Variants in FCHSD2 observed in about 807,000 individuals in gnomAD.
The protein encoded by FCHSD2 is F-BAR and double SH3 domains protein 2.
FCHSD2 carries 38 observed loss-of-function variants against 108.1 expected under a neutral mutation model. The ratio of observed to expected loss-of-function variants is 0.35; its 90% CI spans 0.27 to 0.46. FCHSD2 has a LOEUF of 0.46. FCHSD2 is among the 20% of genes least tolerant of loss of function. The pLI is 1.00. For synonymous variants in FCHSD2, 279 were observed against 314.7 expected, an observed-to-expected ratio of 0.89 and a Z score of 1.20; for missense variants, 751 against 897.8, an observed-to-expected ratio of 0.84 and a Z score of 2.09.
At chr11:73,051,116 G>A (rs1039773864) in intron 3 of FCHSD2, among the ~76,000 whole-genome samples, 1 of 152,182 alleles carries the variant, frequency 6.6e-6, no homozygotes, top group Non-Finnish European at 1.5e-5. Flanking sequence ...AAGAGTTCAA[G>A]ACTAGTCTGG....
chr11:72,997,309 A>G (rs1244984243), intron 5 of FCHSD2, among the ~76,000 whole-genome samples: 5 of 152,176 alleles, frequency 3.3e-5, no homozygotes, highest in African/African-American at 1.2e-4. Context: ...GAGTAAGTGA[A>G]ACAGAATAGC....
Position 72,941,002 on chromosome 11 carries a change from C to A in FCHSD2, c.706-19052G>T. The A allele has an allele frequency of 4.0e-6, 3 of 742,886 alleles. No individual in the cohort carries two copies. In the Admixed American group the frequency reaches 5.2e-5, roughly 13 times the overall value. The allele number at this position is 742,886 out of a possible 1,614,324, so 46.0% of individuals were successfully genotyped here. A position where few individuals can be genotyped will look rare whatever the true frequency, so the allele number is the denominator to read the frequency against. ...GATGTGTGGGCTGACATCTACAGGC[C>A]GAAAGAGCCATGGGCTTGGAAAGGA... On this transcript the variant is annotated intron_variant, in intron 8 of 19. Transcript: ENST00000409418.
intron 2 of FCHSD2, among the ~76,000 whole-genome samples, chr11:73,107,708 T>C (rs1213760396): frequency 2.0e-5 from 3 of 152,250 alleles, no homozygotes; most frequent in Non-Finnish European, 4.4e-5. Context: ...ATTTATCTTT[T>C]CTGTGTCTGG....
chr11:73,029,131 C>T (rs1277412739), intron 3 of FCHSD2, among the ~76,000 whole-genome samples: 1 of 152,080 alleles, frequency 6.6e-6, no homozygotes, highest in Non-Finnish European at 1.5e-5. Context: ...GATAAAATGC[C>T]ATTGAAAACC....
At chr11:72,939,126 C>T (rs1856362872) in intron 8 of FCHSD2, among the ~76,000 whole-genome samples, 1 of 152,064 alleles carries the variant, frequency 6.6e-6, no homozygotes, top group Admixed American at 6.6e-5. Context: ...GAATCTGTTT[C>T]CTTATTATAA....
intron 3 of FCHSD2, among the ~76,000 whole-genome samples, chr11:73,038,533 C>A (rs544117461): frequency 6.6e-6 from 1 of 152,114 alleles, no homozygotes; most frequent in Admixed American, 6.6e-5. Context: ...AGAATGAAAT[C>A]TTGTCCTTTG....
chr11:72,988,889 T>G, intron 6 of FCHSD2, 75 bp downstream of exon 6: 1 of 1,311,158 alleles, frequency 7.6e-7, no homozygotes, highest in Non-Finnish European at 1.1e-6. Context: ...TGCTCACTAC[T>G]AATAGAGAAC....
At position 72,867,969 on chromosome 11, in the gene FCHSD2, C is replaced by T; in HGVS notation, c.1204G>A (p.Val402Met). The T allele has an allele frequency of 1.3e-6, 2 of 1,588,616 alleles. No homozygotes were observed. Among genetic ancestry groups the T allele is most frequent in the Non-Finnish European group, 1.7e-6 (2 of 1,167,012 alleles). The change falls in exon 13 of 20, where the codon GTG becomes ATG. Residue 402 changes from valine to methionine, a missense_variant. Coordinates refer to ENST00000409418, the MANE Select transcript of FCHSD2 (RefSeq NM_014824.3). ...LDLLKQIGVS[V>M]DTWLKSAMNQ... ...ATGGCACTCTTTAGCCATGTGTCCA[C>T]AGAAACACCAATCTGCTTTAGCAGG...
At chr11:73,004,285 C>T (rs1199554756) in intron 4 of FCHSD2, among the ~76,000 whole-genome samples, 1 of 152,076 alleles carries the variant, frequency 6.6e-6, no homozygotes, top group Admixed American at 6.5e-5. Context: ...AAAATTGAGG[C>T]TCAGAAGGTT....
At chr11:73,013,097 G>A (rs528089606) in intron 4 of FCHSD2, among the ~76,000 whole-genome samples, 3 of 152,154 alleles carry the variant, frequency 2.0e-5, no homozygotes, top group African/African-American at 4.8e-5. Flanking sequence ...CCTCCATTAC[G>A]TTCTGAATAA....
chr11:72,842,992 T>C (rs1861008233), intron 16 of FCHSD2, 151 bp from the exon 17 acceptor site: 1 of 868,298 alleles, frequency 1.2e-6, no homozygotes, highest in Admixed American at 2.7e-5. Flanking sequence ...TGATTAACTT[T>C]AGGGTTCTAC....
At chr11:73,088,862 A>C (rs1298605889) in intron 2 of FCHSD2, among the ~76,000 whole-genome samples, 3 of 152,230 alleles carry the variant, frequency 2.0e-5, no homozygotes, top group Non-Finnish European at 4.4e-5. Context: ...AAAAGATAAA[A>C]GGAAATATTT....
At chr11:73,025,372 T>G (rs2135444400) in intron 3 of FCHSD2, among the ~76,000 whole-genome samples, 1 of 152,308 alleles carries the variant, frequency 6.6e-6, no homozygotes, top group South Asian at 2.1e-4. Context: ...CATTATCCTT[T>G]GCAAACGAAT....
At chr11:72,844,486 C>A (rs1045640467) in intron 14 of FCHSD2, among the ~76,000 whole-genome samples, 1 of 152,106 alleles carries the variant, frequency 6.6e-6, no homozygotes, top group Non-Finnish European at 1.5e-5. Flanking sequence ...GTTTTATTAT[C>A]CCTGACAGCA....
intron 3 of FCHSD2, among the ~76,000 whole-genome samples, chr11:73,080,810 G>C (rs1859666858): frequency 6.6e-6 from 1 of 151,994 alleles, no homozygotes; most frequent in South Asian, 2.1e-4. Flanking sequence ...CAGGTGTGAT[G>C]GCAGGCACCT....
chr11:73,040,525 A>G (rs1024457839), intron 3 of FCHSD2, among the ~76,000 whole-genome samples: 4 of 152,204 alleles, frequency 2.6e-5, no homozygotes, highest in Non-Finnish European at 4.4e-5. Flanking sequence ...TATCAAGTCC[A>G]TTCTGTTGGT....
At chr11:73,101,987 G>A (rs556378271) in intron 2 of FCHSD2, among the ~76,000 whole-genome samples, 1 of 152,312 alleles carries the variant, frequency 6.6e-6, no homozygotes, top group South Asian at 2.1e-4. Flanking sequence ...TAGGCCAGAA[G>A]CTGCAGACCC....
intron 4 of FCHSD2, among the ~76,000 whole-genome samples, chr11:73,013,323 T>C (rs923500737): frequency 6.6e-6 from 1 of 152,180 alleles, no homozygotes; most frequent in African/African-American, 2.4e-5. Context: ...CCTGGAAAAC[T>C]CCTGCACATT....
At chr11:72,894,165 G>A (rs970321247) in intron 10 of FCHSD2, among the ~76,000 whole-genome samples, 18 of 152,202 alleles carry the variant, frequency 1.2e-4, no homozygotes, top group African/African-American at 4.3e-4. Context: ...TAGTGTTGGG[G>A]TTGTTAGGCC....
Sources: gnomAD v4.1 joint callset for allele counts (sites outside exome capture counted in the v4.1 genomes callset) on GRCh38, gnomAD v4.1.1 for gene constraint, MANE v1.5 for transcripts, NCBI Gene and HGNC (gene_info 2026-07-23, HGNC 2026-07-21) for gene names.